The following CADM2 variants were observed in gnomAD, a reference collection of about 807,000 sequenced individuals.
The protein encoded by CADM2 is cell adhesion molecule 2, also known as immunoglobulin superfamily member 4D.
CADM2 carries 12 observed loss-of-function variants against 49.8 expected under a neutral mutation model. The observed-to-expected ratio is 0.24, with a 90% CI of 0.15 to 0.39. CADM2 has a LOEUF of 0.39. CADM2 is among the 10% of genes least tolerant of loss of function. The pLI is 1.00. For synonymous variants in CADM2, 214 were observed against 175.4 expected, an observed-to-expected ratio of 1.22 and a Z score of -1.74; for missense variants, 378 against 492.3, an observed-to-expected ratio of 0.77 and a Z score of 2.20.
chr3:85,821,015 C>T (rs1424711439), intron 3 of CADM2, among the ~76,000 whole-genome samples: 1 of 152,134 alleles, frequency 6.6e-6, no homozygotes, highest in African/African-American at 2.4e-5. Context: ...TATTGTTTGT[C>T]CTGCAGTTAC....
At chr3:85,679,997 C>T (rs573341092) in intron 1 of CADM2, among the ~76,000 whole-genome samples, 2 of 151,814 alleles carry the variant, frequency 1.3e-5, no homozygotes, top group African/African-American at 4.8e-5. Flanking sequence ...AATATAAATA[C>T]CCATAAAACA....
chr3:85,893,300 A>C (rs1391447338), intron 5 of CADM2, among the ~76,000 whole-genome samples: 1 of 152,036 alleles, frequency 6.6e-6, no homozygotes, highest in African/African-American at 2.4e-5. Flanking sequence ...CATATGTAGA[A>C]AGCTGAAACT....
intron 1 of CADM2, among the ~76,000 whole-genome samples, chr3:85,467,982 G>A (rs1268516783): frequency 6.6e-6 from 1 of 151,584 alleles, no homozygotes; most frequent in Admixed American, 6.6e-5. Flanking sequence ...GTGAAACCCC[G>A]TCTCTACTAA....
intron 8 of CADM2, chr3:85,994,783 T>G (rs543740819): frequency 1.4e-4 from 21 of 152,212 alleles, no homozygotes; most frequent in African/African-American, 4.3e-4. Context: ...CGTTTATCAA[T>G]TGTGTTTGCC....
chr3:86,027,545 CA>C lies in CADM2; in HGVS notation c.971-38059del, dbSNP rs1407086975. On this transcript the variant is annotated intron_variant, in intron 8 of 9. Coordinates refer to ENST00000383699, the MANE Select transcript of CADM2 (RefSeq NM_001167675.2). ...CTCTCTTTTTGACTATTGCCAACAG[CA>C]GCAAAACATCCATTTCCTTATAATT... is the stretch of plus-strand genomic sequence containing the variant. 3.3e-5 allele frequency among the ~76,000 whole-genome samples: 5 copies of C among 152,072 alleles called. No individual in the cohort carries two copies. The East Asian group carries it at 9.7e-4, about 29-fold the overall frequency.
chr3:85,976,155 G>A (rs957702845), intron 8 of CADM2, among the ~76,000 whole-genome samples: 1 of 151,486 alleles, frequency 6.6e-6, no homozygotes, highest in Non-Finnish European at 1.5e-5. Context: ...CAATATTGGG[G>A]AATATTTTAA....
At chr3:85,259,721 A>G (rs900552856) in intron 1 of CADM2, among the ~76,000 whole-genome samples, 9 of 152,160 alleles carry the variant, frequency 5.9e-5, no homozygotes, top group East Asian at 1.9e-4. Context: ...TCTGGCCCCA[A>G]TCATTTAGAT....
chr3:85,977,634 A>G (rs995948400), intron 8 of CADM2, among the ~76,000 whole-genome samples: 2 of 151,676 alleles, frequency 1.3e-5, no homozygotes, highest in African/African-American at 4.8e-5. Context: ...TATAACAATT[A>G]GTAAACAAGA....
intron 8 of CADM2, among the ~76,000 whole-genome samples, chr3:86,045,961 A>G (rs1159349742): frequency 6.6e-6 from 1 of 152,170 alleles, no homozygotes; most frequent in African/African-American, 2.4e-5. Context: ...AAATGTTAGC[A>G]TAGCCTCATT....
chr3:85,385,323 G>GA (rs1194924837), intron 1 of CADM2, among the ~76,000 whole-genome samples: 8 of 152,046 alleles, frequency 5.3e-5, no homozygotes, highest in African/African-American at 9.7e-5. Context: ...TTTCAAAACA[G>GA]AAAAAAATAT....
intron 1 of CADM2, among the ~76,000 whole-genome samples, chr3:85,583,456 T>C (rs1173240254): frequency 6.6e-6 from 1 of 152,126 alleles, no homozygotes; most frequent in Admixed American, 6.5e-5. Flanking sequence ...AAGTTATATC[T>C]TTTGCTTATC....
intron 6 of CADM2, among the ~76,000 whole-genome samples, chr3:85,929,431 A>G (rs892406228): frequency 2.0e-5 from 3 of 152,158 alleles, no homozygotes; most frequent in Non-Finnish European, 4.4e-5. Context: ...TTCTAAATCT[A>G]GTAGATAACT....
At chr3:85,866,689 AT>A (rs1341961648) in intron 3 of CADM2, among the ~76,000 whole-genome samples, 2 of 151,954 alleles carry the variant, frequency 1.3e-5, no homozygotes, top group Non-Finnish European at 2.9e-5. Context: ...TTTGAAAAAA[AT>A]ATATATTATA....
intron 1 of CADM2, among the ~76,000 whole-genome samples, chr3:85,449,052 A>AAATAATAATAAT (rs55971962): frequency 0.18 from 19,761 of 107,316 alleles, 1,730 homozygotes; most frequent in South Asian, 0.3. Context: ...TCCAACTCAA[A>AAATAATAATAAT]AATAATAATA....
intron 9 of CADM2, 51 bp downstream of exon 9, chr3:86,065,781 A>T (rs1429192296): frequency 6.3e-7 from 1 of 1,580,692 alleles, no homozygotes; most frequent in Admixed American, 1.8e-5. Context: ...ATTCTAGACT[A>T]ACTTCATTAT....
At chr3:85,770,806 A>G (rs1263313584) in intron 2 of CADM2, among the ~76,000 whole-genome samples, 1 of 152,184 alleles carries the variant, frequency 6.6e-6, no homozygotes, top group African/African-American at 2.4e-5. Flanking sequence ...ATTTAAGGCC[A>G]CAAAAGGAGT....
chr3:85,192,231 C>G (rs1242188088), intron 1 of CADM2, among the ~76,000 whole-genome samples: 2 of 151,946 alleles, frequency 1.3e-5, no homozygotes, highest in Non-Finnish European at 2.9e-5. Flanking sequence ...TGAAGCAGCT[C>G]TTTACTGGAA....
chr3:85,963,915 T>C (rs1320589900), intron 8 of CADM2, among the ~76,000 whole-genome samples: 1 of 151,896 alleles, frequency 6.6e-6, no homozygotes, highest in African/African-American at 2.4e-5. Context: ...ATAAATGCTG[T>C]GAAGTTCAAC....
chr3:85,134,055 G>T (rs1327038298), intron 1 of CADM2, among the ~76,000 whole-genome samples: 2 of 152,220 alleles, frequency 1.3e-5, no homozygotes, highest in Non-Finnish European at 2.9e-5. Flanking sequence ...GCGCCGGTGG[G>T]CTGGCACTGC....
Sources: allele counts gnomAD v4.1 joint callset (sites outside exome capture counted in the v4.1 genomes callset), GRCh38; gene constraint gnomAD v4.1.1; transcripts MANE v1.5; gene names NCBI Gene and HGNC (gene_info 2026-07-23, HGNC 2026-07-21).